The following KSR1 variants were observed in gnomAD, a reference collection of about 807,000 sequenced individuals.
The protein encoded by KSR1 is kinase suppressor of ras.
A neutral mutation model predicts 92.9 loss-of-function variants in KSR1; 35 were observed. That is an observed-to-expected ratio of 0.38 (90% CI 0.29 to 0.50). The LOEUF (loss-of-function observed/expected upper bound fraction) is 0.50, where lower values mean the gene tolerates loss of function less well. KSR1 is among the 20% of genes least tolerant of loss of function. The pLI is 0.94. For synonymous variants in KSR1, 467 were observed against 472.6 expected (o/e 0.99, Z 0.15); for missense variants, 972 against 1,158.5 (o/e 0.84, Z 2.34).
chr17:27,575,350 C>G (rs762963846), intron 2 of KSR1, among the ~76,000 whole-genome samples: 4 of 152,166 alleles, frequency 2.6e-5, no homozygotes, highest in Non-Finnish European at 5.9e-5. Flanking sequence ...TATAGGGTAA[C>G]TTCTGGGCAT....
chr17:27,530,347 C>T (rs1268375377), intron 1 of KSR1, among the ~76,000 whole-genome samples: 3 of 151,808 alleles, frequency 2.0e-5, no homozygotes, highest in South Asian at 2.1e-4. Flanking sequence ...CAGGAGGCTG[C>T]GGTGGGAGGA....
chr17:27,608,905 G>A (rs868646748), intron 15 of KSR1, among the ~76,000 whole-genome samples: 5 of 152,274 alleles, frequency 3.3e-5, no homozygotes, highest in Middle Eastern at 3.4e-3. Context: ...CCATCACCCT[G>A]TTCACACCTC....
At chr17:27,487,227 G>A (rs2068691694) in intron 1 of KSR1, among the ~76,000 whole-genome samples, 1 of 152,142 alleles carries the variant, frequency 6.6e-6, no homozygotes, top group Non-Finnish European at 1.5e-5. Flanking sequence ...CTGAGGTCAG[G>A]AGTTGGATAC....
At chr17:27,469,702 C>A (rs1395250896) in intron 1 of KSR1, among the ~76,000 whole-genome samples, 3 of 152,140 alleles carry the variant, frequency 2.0e-5, no homozygotes, top group Admixed American at 2.0e-4. Context: ...CCCCCACTGT[C>A]CCCCGCCTTT....
intron 1 of KSR1, among the ~76,000 whole-genome samples, chr17:27,534,665 C>G (rs2070693195): frequency 6.6e-6 from 1 of 152,244 alleles, no homozygotes; most frequent in African/African-American, 2.4e-5. Flanking sequence ...TGCCTGAGCC[C>G]TTTCTCATCC....
rs761583722 is a variant in KSR1 at position 27,456,865 on chromosome 17, G to T, written c.222G>T (p.Arg74=). 1.1e-6 allele frequency: 1 copy of T among 951,658 alleles called. No individual in the cohort carries two copies. The highest frequency in any genetic ancestry group is 1.7e-6 in the Non-Finnish European group (1 of 591,092). The allele number at this position is 951,658 out of a possible 1,614,324, so 59.0% of individuals were successfully genotyped here. A position where few individuals can be genotyped will look rare whatever the true frequency, so the allele number is the denominator to read the frequency against. ...ACGACCTCACCCAGCAGGAGATACG[G>T]ACCCTGGAGGTAAGTGGGTCGGGGA... ...VSNDLTQQEI[R]TLEAKLVRYI... Residue 74 remains arginine, a synonymous_variant, in exon 1 of 21, where the codon CGG becomes CGT. Transcript: ENST00000644974.
At chr17:27,575,727 C>G (rs966453038) in intron 2 of KSR1, among the ~76,000 whole-genome samples, 1 of 152,168 alleles carries the variant, frequency 6.6e-6, no homozygotes, top group Non-Finnish European at 1.5e-5. Context: ...TTTCCTCCCT[C>G]CCTGATGAGA....
At position 27,588,462 on chromosome 17, in the gene KSR1, T is replaced by A. The variant is rs966376071; in HGVS notation, c.986-13T>A. 5 of 1,569,506 alleles carry A rather than the reference T, an allele frequency of 3.2e-6. No individual in the cohort carries two copies. The Admixed American group carries it at 5.6e-5, about 18-fold the overall frequency. ...AGTTCCTCAGCCTGCCCATCCGGCC[T>A]CTTTCCCTGCAGATCTCTCGCATGG... On this transcript the variant is annotated splice_polypyrimidine_tract_variant and intron_variant, in intron 5 of 20. Coordinates refer to ENST00000644974, the MANE Select transcript of KSR1 (RefSeq NM_001394583.1).
chr17:27,501,292 C>CTTTTTTTTTTTTTTTTTTTTTT, intron 1 of KSR1, among the ~76,000 whole-genome samples: 3 of 49,704 alleles, frequency 6.0e-5, no homozygotes, highest in Non-Finnish European at 1.0e-4. Flanking sequence ...TTCTTTTCTT[C>CTTTTTTTTTTTTTTTTTTTTTT]TTTTTTTTTT....
intron 19 of KSR1, among the ~76,000 whole-genome samples, chr17:27,618,593 C>T (rs2074126977): frequency 6.6e-6 from 1 of 152,238 alleles, no homozygotes; most frequent in Non-Finnish European, 1.5e-5. Context: ...GTCACAGCAT[C>T]TCAGCTCTGC....
intron 1 of KSR1, among the ~76,000 whole-genome samples, chr17:27,476,217 G>A (rs769033272): frequency 6.6e-6 from 1 of 152,224 alleles, no homozygotes; most frequent in Non-Finnish European, 1.5e-5. Context: ...CTCAAGGATT[G>A]AAGGCTAATG....
At chr17:27,590,678 C>A in intron 6 of KSR1, 133 bp from the exon 7 acceptor site, 2 of 741,966 alleles carry the variant, frequency 2.7e-6, no homozygotes, top group African/African-American at 1.7e-5. Context: ...TCTGTCCTCT[C>A]TGGGAGGGGG....
At chr17:27,467,889 C>T (rs1293857353) in intron 1 of KSR1, among the ~76,000 whole-genome samples, 2 of 151,322 alleles carry the variant, frequency 1.3e-5, no homozygotes, top group Admixed American at 6.6e-5. Context: ...TGGCTCACTG[C>T]AAGCTCTGCC....
chr17:27,597,368 A>G lies in KSR1; in HGVS notation c.1400A>G (p.Asn467Ser), dbSNP rs201389039. ...CCGGCGCCCTTCCCGACATCATCCA[A>G]CCCATCCAGCGCCACCACGCCCCCC... ...SSPAPFPTSS[N>S]PSSATTPPNP... The change falls in exon 10 of 21, where the codon AAC (asparagine) becomes AGC (serine). Residue 467 changes from asparagine (N) to serine (S), a missense_variant. Transcript: ENST00000644974. 33 of 1,613,348 alleles carry G rather than the reference A, an allele frequency of 2.0e-5. No homozygotes were observed. The highest frequency in any genetic ancestry group is 2.7e-5 in the Non-Finnish European group (32 of 1,179,726).
At chr17:27,488,032 T>C (rs1047693064) in intron 1 of KSR1, among the ~76,000 whole-genome samples, 1 of 152,204 alleles carries the variant, frequency 6.6e-6, no homozygotes, top group Non-Finnish European at 1.5e-5. Flanking sequence ...ATTCAAACTA[T>C]ATCACATACC....
chr17:27,473,984 G>C (rs12452983), intron 1 of KSR1, among the ~76,000 whole-genome samples: 1 of 151,948 alleles, frequency 6.6e-6, no homozygotes, highest in Non-Finnish European at 1.5e-5. Flanking sequence ...CAAAGACCTC[G>C]TTTACTCACA....
chr17:27,499,000 C>G (rs2069087671), intron 1 of KSR1, among the ~76,000 whole-genome samples: 1 of 152,106 alleles, frequency 6.6e-6, no homozygotes, highest in South Asian at 2.1e-4. Flanking sequence ...AATTAGAAGT[C>G]AAGTAAGCCA....
chr17:27,481,349 G>T (rs1290086193), intron 1 of KSR1, among the ~76,000 whole-genome samples: 1 of 152,172 alleles, frequency 6.6e-6, no homozygotes, highest in Non-Finnish European at 1.5e-5. Context: ...CAAGGTGAGG[G>T]AATTGGACTG....
chr17:27,588,542 A>G lies in KSR1; in HGVS notation c.1046+7A>G. The stretch of plus-strand genomic sequence containing the variant: ...GGCTGTCGGTGACGCACAGGTAGGC[A>G]CAGCGGGCCTGGAGGGGGAGCAGGG... On this transcript the variant is annotated splice_region_variant and intron_variant, in intron 6 of 20. Transcript: ENST00000644974. The G allele has an allele frequency of 6.3e-7, 1 of 1,589,070 alleles. No homozygotes were observed. The highest frequency in any genetic ancestry group is 8.6e-7 in the Non-Finnish European group (1 of 1,167,970).
Sources: allele counts gnomAD v4.1 joint callset (sites outside exome capture counted in the v4.1 genomes callset), GRCh38; gene constraint gnomAD v4.1.1; transcripts MANE v1.5; gene names NCBI Gene and HGNC (gene_info 2026-07-23, HGNC 2026-07-21).